The following LARP1B variants were observed in gnomAD, a reference collection of about 807,000 sequenced individuals.
The protein encoded by LARP1B is La ribonucleoprotein 1B.
A neutral mutation model predicts 114.2 loss-of-function variants in LARP1B; 76 were observed. The ratio of observed to expected loss-of-function variants is 0.67; its 90% confidence interval spans 0.55 to 0.81. The LOEUF is 0.81. LARP1B is among the 30% of genes least tolerant of loss of function. The probability of loss-of-function intolerance (pLI) is 0.00; values close to 1 mark genes in which losing one functional copy is unlikely to be tolerated. For synonymous variants in LARP1B, 345 were observed against 348.0 expected (o/e 0.99, Z 0.10); for missense variants, 1,014 against 1,075.8 (o/e 0.94, Z 0.80).
At chr4:128,192,111 T>C (rs1752490502) in intron 15 of LARP1B, among the ~76,000 whole-genome samples, 1 of 152,244 alleles carries the variant, frequency 6.6e-6, no homozygotes, top group Non-Finnish European at 1.5e-5. Flanking sequence ...AGATTGCTTC[T>C]ACTCTGCCAT....
intron 1 of LARP1B, among the ~76,000 whole-genome samples, chr4:128,065,375 C>CTT (rs1553983067): frequency 5.0e-4 from 56 of 111,616 alleles, no homozygotes; most frequent in Non-Finnish European, 7.0e-4. Flanking sequence ...CTTTTCTTTT[C>CTT]TTTTCTTTCT....
chr4:128,153,442 A>G (rs1733870136), intron 11 of LARP1B, among the ~76,000 whole-genome samples: 1 of 151,924 alleles, frequency 6.6e-6, no homozygotes, highest in Non-Finnish European at 1.5e-5. Context: ...TCAGCCACGG[A>G]CTACAGGCGT....
At chr4:128,114,795 G>A in intron 10 of LARP1B, 53 bp downstream of exon 10, 1 of 1,507,656 alleles carries the variant, frequency 6.6e-7, no homozygotes, top group East Asian at 2.3e-5. Flanking sequence ...GGAGTATAAG[G>A]TCAGTGCACT....
intron 15 of LARP1B, among the ~76,000 whole-genome samples, chr4:128,194,556 G>A (rs28799676): frequency 1.3e-5 from 2 of 151,524 alleles, no homozygotes; most frequent in South Asian, 2.1e-4. Flanking sequence ...GGTGGCGGGC[G>A]CCTGTAGTCC....
At chr4:128,078,613 G>C (rs898736908) in intron 4 of LARP1B, among the ~76,000 whole-genome samples, 1 of 151,062 alleles carries the variant, frequency 6.6e-6, no homozygotes, top group African/African-American at 2.4e-5. Flanking sequence ...AAAAAAAAAA[G>C]TGAGAATAAT....
At position 128,065,310 on chromosome 4, in the gene LARP1B, TTTC is replaced by T. The variant is rs1762204232; in HGVS notation, c.-78+3912_-78+3914del. 8.9e-5 allele frequency among the ~76,000 whole-genome samples: 8 copies of T among 89,886 alleles called. 1 individual carries two copies. Among genetic ancestry groups the T allele is most frequent in the Admixed American group, 7.8e-4 (6 of 7,670 alleles). 59.0% of individuals were successfully genotyped at this position (89,886 alleles called of 152,430 possible). ...CTTTCTTTCTTTCTTTCTTTCTTTCTTTCTTTCTCTCTCTCTCTCTCTTTCCTT... is the reference window on the plus strand; with the variant it reads ...CTTTCTTTCTTTCTTTCTTTCTTTCTTTTCTCTCTCTCTCTCTCTTTCCTT... On this transcript the variant is annotated intron_variant, in intron 1 of 19. Coordinates refer to ENST00000326639, the MANE Select transcript of LARP1B (RefSeq NM_018078.4).
intron 11 of LARP1B, among the ~76,000 whole-genome samples, chr4:128,127,842 A>G (rs1339873726): frequency 6.6e-6 from 1 of 152,214 alleles, no homozygotes; most frequent in Non-Finnish European, 1.5e-5. Context: ...AAAACAAACA[A>G]AAAACAAAAT....
At position 128,122,657 on chromosome 4, in the gene LARP1B, T is replaced by C. The variant is rs1181333433; in HGVS notation, c.1524+469T>C. 2.2e-6 allele frequency: 3 copies of C among 1,378,560 alleles called. No homozygotes were observed. The African/African-American group carries it at 4.4e-5, about 20-fold the overall frequency. 85.4% of individuals were successfully genotyped at this position (1,378,560 alleles called of 1,614,324 possible). A position where few individuals can be genotyped will look rare whatever the true frequency, so the allele number is the denominator to read the frequency against. Reference sequence around the variant, plus strand: ...TTTTCCCCACTTAGTCTATGGTGCATGATCTAAGGTAGTGGAAATGGTTGT... The same window carrying C: ...TTTTCCCCACTTAGTCTATGGTGCACGATCTAAGGTAGTGGAAATGGTTGT... On this transcript the variant is annotated intron_variant, in intron 11 of 19. Transcript: ENST00000326639.
At position 128,077,735 on chromosome 4, in the gene LARP1B, A is replaced by T. The variant is rs1307256196; in HGVS notation, c.43-53A>T. 4 of 1,450,970 alleles carry T rather than the reference A, an allele frequency of 2.8e-6. No homozygotes were observed. The South Asian group carries it at 5.0e-5, about 18-fold the overall frequency. The allele number at this position is 1,450,970 out of a possible 1,614,324, so 89.9% of individuals were successfully genotyped here. On this transcript the variant is annotated intron_variant, in intron 3 of 19. Coordinates refer to ENST00000326639, the MANE Select transcript of LARP1B (RefSeq NM_018078.4). ...GGTATATTGCCACAAATTTTTGGGTATGTTAGTGAAAATATTAATGGAAAT... is the reference window on the plus strand; with the variant it reads ...GGTATATTGCCACAAATTTTTGGGTTTGTTAGTGAAAATATTAATGGAAAT...
intron 1 of LARP1B, chr4:128,069,713 T>C (rs1415194187): frequency 3.0e-6 from 1 of 338,522 alleles, no homozygotes; most frequent in Non-Finnish European, 5.5e-6. Context: ...TTTATGGTTG[T>C]TTTTTGCCTA....
intron 5 of LARP1B, among the ~76,000 whole-genome samples, chr4:128,084,620 G>A (rs1406276237): frequency 2.6e-5 from 4 of 151,976 alleles, no homozygotes; most frequent in Admixed American, 1.3e-4. Context: ...CCGAGAGGGA[G>A]AGGGGAGAGG....
chr4:128,188,855 A>G (rs1418468664), intron 15 of LARP1B, among the ~76,000 whole-genome samples: 1 of 152,214 alleles, frequency 6.6e-6, no homozygotes, highest in East Asian at 1.9e-4. Context: ...GTAGCCAGAA[A>G]AGATACTTGA....
chr4:128,078,305 A>AT (rs1344648846), intron 4 of LARP1B, among the ~76,000 whole-genome samples: 3 of 151,994 alleles, frequency 2.0e-5, no homozygotes, highest in Non-Finnish European at 2.9e-5. Flanking sequence ...AATTAAATAC[A>AT]TTTTTTTCCT....
At chr4:128,155,741 C>T in intron 11 of LARP1B, 1 of 1,608,440 alleles carries the variant, frequency 6.2e-7, no homozygotes, top group Non-Finnish European at 8.5e-7. Flanking sequence ...AACAAGCTGG[C>T]TGCGGCCAAG....
At chr4:128,069,714 T>C (rs1022957733) in intron 1 of LARP1B, 4 of 333,332 alleles carry the variant, frequency 1.2e-5, no homozygotes, top group African/African-American at 8.5e-5. Flanking sequence ...TTATGGTTGT[T>C]TTTTGCCTAT....
In LARP1B at chr4:128,210,475, T is replaced by C; in HGVS notation, c.*422T>C. The C allele has an allele frequency of 1.0e-6, 1 of 992,074 alleles. No homozygotes were observed. The highest frequency in any genetic ancestry group is 1.7e-5 in the African/African-American group (1 of 57,434). 61.5% of individuals were successfully genotyped at this position (992,074 alleles called of 1,614,324 possible). ...GTTGTATTCTCTTCTTAGAGCTTTC[T>C]TAAAGAATCCACAATCCAATTACCC... On this transcript the variant is annotated 3_prime_UTR_variant, in exon 20 of 20. Coordinates refer to ENST00000326639, the MANE Select transcript of LARP1B (RefSeq NM_018078.4).
Position 128,107,264 on chromosome 4 carries a change from GATT to G in LARP1B, c.940_942del (p.Ile314del). 2 of 1,614,114 alleles carry G rather than the reference GATT, an allele frequency of 1.2e-6. No homozygotes were observed. Among genetic ancestry groups the G allele is most frequent in the Non-Finnish European group, 1.7e-6 (2 of 1,179,994 alleles). On this transcript the variant is annotated inframe_deletion, in exon 9 of 20. Coordinates refer to ENST00000326639, the MANE Select transcript of LARP1B (RefSeq NM_018078.4). Reference sequence around the variant, plus strand: ...TGCCACCAACAGACTTCTCTCAACTGATTGATTGTCCAGAGTTTGTACCAGGCC... The same window carrying G: ...TGCCACCAACAGACTTCTCTCAACTGGATTGTCCAGAGTTTGTACCAGGCC...
chr4:128,098,298 G>T lies in LARP1B; in HGVS notation c.781G>T (p.Ala261Ser), dbSNP rs965784527. ...GATTGCTGGTTTTCAGCGTGTTCAGGCTCTCACTACAAACCTTAATCTCAT... is the reference window on the plus strand; with the variant it reads ...GATTGCTGGTTTTCAGCGTGTTCAGTCTCTCACTACAAACCTTAATCTCAT... Reference protein sequence around the residue: ...SLIAGFQRVQALTTNLNLILE... With the variant: ...SLIAGFQRVQSLTTNLNLILE... Residue 261 changes from alanine (A) to serine (S), a missense_variant, in exon 8 of 20, where the codon GCT (alanine) becomes TCT (serine). Physicochemically the swap from Ala to Ser is moderately conservative, Grantham distance 99. Transcript: ENST00000326639. The T allele has an allele frequency of 1.9e-6, 3 of 1,613,694 alleles. No homozygotes were observed. Among genetic ancestry groups the T allele is most frequent in the Non-Finnish European group, 2.5e-6 (3 of 1,179,778 alleles).
chr4:128,062,915 A>T (rs903851436), intron 1 of LARP1B, among the ~76,000 whole-genome samples: 12 of 151,926 alleles, frequency 7.9e-5, no homozygotes, highest in Non-Finnish European at 2.9e-5. Flanking sequence ...AAGTATAATT[A>T]AAAAAAATAA....
Sources: gnomAD v4.1 joint callset for allele counts (sites outside exome capture counted in the v4.1 genomes callset) on GRCh38, gnomAD v4.1.1 for gene constraint, MANE v1.5 for transcripts, NCBI Gene and HGNC (gene_info 2026-07-23, HGNC 2026-07-21) for gene names.